The following HS3ST4 variants were observed in gnomAD, a reference collection of about 807,000 sequenced individuals.
HS3ST4 encodes the protein heparan sulfate-glucosamine 3-sulfotransferase 4.
In HS3ST4, 17 loss-of-function variants were observed where a neutral mutation model predicts 29.2. The ratio of observed to expected loss-of-function variants is 0.58; its 90% CI spans 0.40 to 0.87. The LOEUF (loss-of-function observed/expected upper bound fraction) is 0.87, where lower values mean the gene tolerates loss of function less well. HS3ST4 is among the 40% of genes least tolerant of loss of function. The pLI is 0.00. For missense variants in HS3ST4, 627 were observed against 634.5 expected, an observed-to-expected ratio of 0.99 and a Z score of 0.13; for synonymous variants, 314 against 285.7, an observed-to-expected ratio of 1.10 and a Z score of -1.00.
At chr16:25,951,576 G>C (rs1037720351) in intron 1 of HS3ST4, among the ~76,000 whole-genome samples, 2 of 152,130 alleles carry the variant, frequency 1.3e-5, no homozygotes, top group East Asian at 3.9e-4. Flanking sequence ...CAAAGCTCAG[G>C]CATCCTATCT....
intron 1 of HS3ST4, among the ~76,000 whole-genome samples, chr16:25,753,535 C>T (rs932424685): frequency 6.6e-5 from 10 of 152,156 alleles, no homozygotes; most frequent in South Asian, 2.1e-4. Context: ...AAGCTCTTTA[C>T]GCATTTGTGT....
chr16:25,724,664 C>G (rs149069633), intron 1 of HS3ST4, among the ~76,000 whole-genome samples: 9 of 152,100 alleles, frequency 5.9e-5, no homozygotes, highest in Admixed American at 5.9e-4. Flanking sequence ...GCTCGGCCCC[C>G]TCAACTTTTT....
intron 1 of HS3ST4, among the ~76,000 whole-genome samples, chr16:26,093,398 A>C (rs932222867): frequency 6.6e-6 from 1 of 152,146 alleles, no homozygotes; most frequent in Non-Finnish European, 1.5e-5. Context: ...CAGAGGAAGG[A>C]TGAGGCAGCA....
intron 1 of HS3ST4, among the ~76,000 whole-genome samples, chr16:26,106,154 A>G (rs1176912296): frequency 2.0e-5 from 3 of 152,188 alleles, no homozygotes; most frequent in Non-Finnish European, 4.4e-5. Context: ...GCCTATTCAT[A>G]ACAGACTCCT....
At chr16:26,086,845 C>A (rs1898795484) in intron 1 of HS3ST4, among the ~76,000 whole-genome samples, 1 of 152,296 alleles carries the variant, frequency 6.6e-6, no homozygotes, top group South Asian at 2.1e-4. Flanking sequence ...AGTCTTTTCT[C>A]TGTATTTTCT....
intron 1 of HS3ST4, among the ~76,000 whole-genome samples, chr16:25,924,329 C>T (rs1596615630): frequency 6.6e-6 from 1 of 152,056 alleles, no homozygotes; most frequent in South Asian, 2.1e-4. Flanking sequence ...AATAATAGCC[C>T]CTCTCGTTTT....
intron 1 of HS3ST4, among the ~76,000 whole-genome samples, chr16:26,109,971 C>G (rs1268627788): frequency 2.6e-5 from 4 of 152,092 alleles, no homozygotes; most frequent in African/African-American, 9.7e-5. Context: ...GCTATAGTTA[C>G]TGTGCTGTAT....
chr16:25,881,084 A>C (rs1402349720), intron 1 of HS3ST4, among the ~76,000 whole-genome samples: 1 of 152,212 alleles, frequency 6.6e-6, no homozygotes, highest in Non-Finnish European at 1.5e-5. Flanking sequence ...CCTTTTCAAC[A>C]ATCATTGAAG....
At chr16:26,023,363 AATAG>A (rs756134749) in intron 1 of HS3ST4, among the ~76,000 whole-genome samples, 8 of 152,046 alleles carry the variant, frequency 5.3e-5, no homozygotes, top group South Asian at 2.1e-4. Context: ...AGGTTATTCA[AATAG>A]ATAGAAGAAT....
At chr16:25,856,660 C>T (rs1302714903) in intron 1 of HS3ST4, among the ~76,000 whole-genome samples, 1 of 152,066 alleles carries the variant, frequency 6.6e-6, no homozygotes, top group African/African-American at 2.4e-5. Flanking sequence ...AAAAAAATCA[C>T]ACAAAGAAAT....
chr16:25,746,812 A>G (rs542734987), intron 1 of HS3ST4, among the ~76,000 whole-genome samples: 1 of 152,182 alleles, frequency 6.6e-6, no homozygotes, highest in East Asian at 1.9e-4. Flanking sequence ...TGGCCTCCCA[A>G]AGTGCTGGAA....
At chr16:25,727,570 T>A (rs1966545170) in intron 1 of HS3ST4, among the ~76,000 whole-genome samples, 1 of 152,192 alleles carries the variant, frequency 6.6e-6, no homozygotes, top group African/African-American at 2.4e-5. Flanking sequence ...GGTTGAGGAT[T>A]TTGAACCAAG....
At chr16:25,757,227 T>A (rs1966763623) in intron 1 of HS3ST4, among the ~76,000 whole-genome samples, 1 of 152,184 alleles carries the variant, frequency 6.6e-6, no homozygotes, top group Non-Finnish European at 1.5e-5. Context: ...TAGATCCCAG[T>A]ACCACATTAT....
chr16:26,038,560 C>T (rs1314046866), intron 1 of HS3ST4, among the ~76,000 whole-genome samples: 2 of 152,136 alleles, frequency 1.3e-5, no homozygotes, highest in Non-Finnish European at 2.9e-5. Flanking sequence ...TGAATGCCTA[C>T]ATGCCCACAC....
intron 1 of HS3ST4, among the ~76,000 whole-genome samples, chr16:26,033,097 G>A (rs1414775548): frequency 1.3e-5 from 2 of 152,162 alleles, no homozygotes; most frequent in Non-Finnish European, 2.9e-5. Flanking sequence ...GAACACAGGT[G>A]GCCGGGTGCA....
chr16:25,872,044 G>A (rs144642816), intron 1 of HS3ST4, among the ~76,000 whole-genome samples: 1 of 152,130 alleles, frequency 6.6e-6, no homozygotes, highest in East Asian at 1.9e-4. Context: ...AGCCATGTAG[G>A]GGGAGGACCC....
chr16:25,957,994 G>T (rs945906962), intron 1 of HS3ST4, among the ~76,000 whole-genome samples: 1 of 152,096 alleles, frequency 6.6e-6, no homozygotes, highest in Non-Finnish European at 1.5e-5. Flanking sequence ...GTTGTTTCAG[G>T]TGTGTGTGCT....
rs141197429 is a variant in HS3ST4 at position 26,047,654 on chromosome 16, A to G, written c.735-87958A>G. Among the ~76,000 whole-genome samples, 1,071 of 152,326 alleles carry G rather than the reference A, an allele frequency of 7.0e-3. 6 individuals are homozygous for G. The highest frequency in any genetic ancestry group is 0.024 in the Middle Eastern group (7 of 294). ...GAATGCAAGCCGTGATCTCGTCTCC[A>G]AAGCCCTGTTTTCTCAGCTATTACT... On this transcript the variant is annotated intron_variant, in intron 1 of 1. Coordinates refer to ENST00000331351, the MANE Select transcript of HS3ST4 (RefSeq NM_006040.3).
chr16:25,890,364 C>A (rs1967995592), intron 1 of HS3ST4, among the ~76,000 whole-genome samples: 1 of 152,156 alleles, frequency 6.6e-6, no homozygotes, highest in South Asian at 2.1e-4. Context: ...AGGGTAAGGA[C>A]CCAGATGACT....
Sources: allele counts gnomAD v4.1 joint callset (sites outside exome capture counted in the v4.1 genomes callset), GRCh38; gene constraint gnomAD v4.1.1; transcripts MANE v1.5; gene names NCBI Gene and HGNC (gene_info 2026-07-23, HGNC 2026-07-21).